GNAI1: variants seen among roughly 807,000 people sequenced by gnomAD.
GNAI1 encodes G protein subunit alpha i1.
A neutral mutation model predicts 38.9 loss-of-function variants in GNAI1; 11 were observed. The ratio of observed to expected loss-of-function variants is 0.28; its 90% CI spans 0.18 to 0.47. The LOEUF is 0.47. GNAI1 is among the 20% of genes least tolerant of loss of function. The pLI is 0.99. For missense variants in GNAI1, 317 were observed against 436.9 expected, an observed-to-expected ratio of 0.73 and a Z score of 2.45; for synonymous variants, 166 against 145.1, an observed-to-expected ratio of 1.14 and a Z score of -1.04.
chr7:80,172,213 T>C (rs928471542), intron 1 of GNAI1, among the ~76,000 whole-genome samples: 16 of 152,158 alleles, frequency 1.1e-4, no homozygotes, highest in African/African-American at 3.9e-4. Flanking sequence ...TAAAAAGAGG[T>C]GAGGCTGAAA....
Position 80,199,089 on chromosome 7 carries a change from A to G in GNAI1, c.304-136A>G, listed in dbSNP as rs549808656. 3 of 579,928 alleles carry G rather than the reference A, an allele frequency of 5.2e-6. 1 individual carries two copies. In the South Asian group the frequency reaches 9.6e-5, roughly 19 times the overall value. 35.9% of individuals were successfully genotyped at this position (579,928 alleles called of 1,614,324 possible). On this transcript the variant is annotated intron_variant, in intron 3 of 7. Coordinates refer to ENST00000649796, the MANE Select transcript of GNAI1 (RefSeq NM_002069.6). ...TTTTTAAGTGGTGGCTTAGAGAAAG[A>G]AAAGTAATGACGTGTTAATAAAAAC...
rs1789020072 is a variant in GNAI1, at chr7:80,218,754, T to A, written c.*1261T>A. The A allele has an allele frequency of 6.6e-6, 1 of 152,156 alleles. No homozygotes were observed. The highest frequency in any genetic ancestry group is 2.4e-5 in the African/African-American group (1 of 41,444). 9.4% of individuals were successfully genotyped at this position (152,156 alleles called of 1,614,324 possible). ...TTATTTCTGAGAATGAAATGGACGATTACACTTAGAAAATGAGTAATAGTG... is the reference window on the plus strand; with the variant it reads ...TTATTTCTGAGAATGAAATGGACGAATACACTTAGAAAATGAGTAATAGTG... On this transcript the variant is annotated 3_prime_UTR_variant, in exon 8 of 8. Transcript: ENST00000649796.
At chr7:80,206,587 T>C (rs1788781206) in intron 5 of GNAI1, among the ~76,000 whole-genome samples, 2 of 152,072 alleles carry the variant, frequency 1.3e-5, no homozygotes, top group South Asian at 4.1e-4. Flanking sequence ...TAGAATTTTT[T>C]TTTTAACCTA....
chr7:80,173,640 T>C (rs1447562256), intron 1 of GNAI1, among the ~76,000 whole-genome samples: 3 of 151,456 alleles, frequency 2.0e-5, no homozygotes, highest in African/African-American at 4.9e-5. Context: ...AAACTCATTG[T>C]AGCAGGAATT....
At chr7:80,189,469 T>C (rs1340792035) in intron 3 of GNAI1, among the ~76,000 whole-genome samples, 2 of 152,212 alleles carry the variant, frequency 1.3e-5, no homozygotes, top group East Asian at 3.9e-4. Flanking sequence ...GACAACTGAA[T>C]AATCACCACA....
chr7:80,203,181 G>A (rs561485813), intron 4 of GNAI1, among the ~76,000 whole-genome samples: 1 of 152,270 alleles, frequency 6.6e-6, no homozygotes, highest in African/African-American at 2.4e-5. Context: ...AAAGTGCAGC[G>A]TAAAGGAGTA....
rs1789073182 is a variant in GNAI1 at position 80,221,479 on chromosome 7, C to CT, written c.*3987dup. Among the ~76,000 whole-genome samples, 1 of 152,036 alleles carries CT rather than the reference C, an allele frequency of 6.6e-6. No individual in the cohort carries two copies. The highest frequency in any genetic ancestry group is 2.1e-4 in the South Asian group (1 of 4,824). On this transcript the variant is annotated 3_prime_UTR_variant, in exon 8 of 8. Transcript: ENST00000649796. ...AATGAAATGCCTCAAAAACAAAACT[C>CT]TCATAATTCGTTTTCATAATGAAAA...
intron 7 of GNAI1, among the ~76,000 whole-genome samples, chr7:80,213,480 G>T (rs1788906616): frequency 6.6e-6 from 1 of 152,140 alleles, no homozygotes; most frequent in African/African-American, 2.4e-5. Context: ...CTTTGATCTT[G>T]AACAAGGCAG....
chr7:80,186,023 CTTTTTTTTTTT>C lies in GNAI1; in HGVS notation c.119-2911_119-2901del, dbSNP rs533371119. On this transcript the variant is annotated intron_variant, in intron 1 of 7. Coordinates refer to ENST00000649796, the MANE Select transcript of GNAI1 (RefSeq NM_002069.6). ...AGTTAATAAGACTGCCATCCGCACTCTTTTTTTTTTTTTTTTTTTTTTTTTTTGAGACGGAG... is the reference window on the plus strand; with the variant it reads ...AGTTAATAAGACTGCCATCCGCACTCTTTTTTTTTTTTTTTTGAGACGGAG... 1.3e-3 allele frequency among the ~76,000 whole-genome samples: 133 copies of C among 103,498 alleles called. 1 individual carries two copies. The highest frequency in any genetic ancestry group is 2.4e-3 in the Admixed American group (22 of 9,126). The allele number at this position is 103,498 out of a possible 152,430, so 67.9% of individuals were successfully genotyped here.
rs371630030 is a variant in GNAI1, at chr7:80,194,684, A to G, written c.304-4541A>G. On this transcript the variant is annotated intron_variant, in intron 3 of 7. Coordinates refer to ENST00000649796, the MANE Select transcript of GNAI1 (RefSeq NM_002069.6). ...TTTATTTCTCTTCAGGTGGCTATCT[A>G]ATTATCACCAGTGTTATTGGATTAA... Among the ~76,000 whole-genome samples the G allele has an allele frequency of 1.1e-4, 16 of 152,216 alleles. No individual in the cohort carries two copies. The South Asian group carries it at 2.9e-3, about 28-fold the overall frequency.
At chr7:80,217,248 T>TCAGTTTCA (rs1788988656) in intron 7 of GNAI1, 55 bp from the exon 8 acceptor site, 7 of 437,296 alleles carry the variant, frequency 1.6e-5, no homozygotes, top group East Asian at 2.3e-4. Context: ...ATTCAGTATT[T>TCAGTTTCA]TAAGCAGTTA....
At chr7:80,211,377 A>T (rs1264103648) in intron 6 of GNAI1, among the ~76,000 whole-genome samples, 1 of 151,168 alleles carries the variant, frequency 6.6e-6, no homozygotes, top group East Asian at 1.9e-4. Context: ...GTAGTCCAAG[A>T]TTCCCTTTTC....
intron 1 of GNAI1, among the ~76,000 whole-genome samples, chr7:80,154,576 T>C (rs1787786838): frequency 6.6e-6 from 1 of 152,198 alleles, no homozygotes; most frequent in East Asian, 1.9e-4. Flanking sequence ...GGATTCTTCT[T>C]ACATAAACAA....
At chr7:80,169,244 A>G (rs559543056) in intron 1 of GNAI1, among the ~76,000 whole-genome samples, 1 of 152,274 alleles carries the variant, frequency 6.6e-6, no homozygotes, top group South Asian at 2.1e-4. Flanking sequence ...GCTCTCTTTA[A>G]TAAAGTTCTG....
At chr7:80,184,348 A>T (rs531486388) in intron 1 of GNAI1, among the ~76,000 whole-genome samples, 7 of 152,294 alleles carry the variant, frequency 4.6e-5, no homozygotes, top group African/African-American at 1.7e-4. Flanking sequence ...ATACATTGGT[A>T]CGTCCAGGGT....
In GNAI1 at chr7:80,225,979, C is replaced by T. The variant is rs1474810000; in HGVS notation, c.*8486C>T. ...CTATATTGGAATATGGGAATAAATT[C>T]ATTTATAATTAGTTGAAATTGTCCA... On this transcript the variant is annotated 3_prime_UTR_variant, in exon 8 of 8. Coordinates refer to ENST00000649796, the MANE Select transcript of GNAI1 (RefSeq NM_002069.6). Among the ~76,000 whole-genome samples the T allele has an allele frequency of 6.6e-6, 1 of 151,952 alleles. No homozygotes were observed. The highest frequency in any genetic ancestry group is 1.5e-5 in the Non-Finnish European group (1 of 68,006).
At chr7:80,202,972 C>A (rs775547758) in intron 4 of GNAI1, among the ~76,000 whole-genome samples, 3 of 152,176 alleles carry the variant, frequency 2.0e-5, no homozygotes, top group East Asian at 3.9e-4. Flanking sequence ...CTTCTTTAAT[C>A]ACCTAGGTCC....
intron 7 of GNAI1, among the ~76,000 whole-genome samples, chr7:80,215,753 A>C (rs1271504380): frequency 1.5e-5 from 2 of 137,556 alleles, no homozygotes; most frequent in African/African-American, 3.1e-5. Context: ...TATTTCTAGG[A>C]GGAGGAAAAA....
chr7:80,142,263 C>T (rs1005026146), intron 1 of GNAI1, among the ~76,000 whole-genome samples: 7 of 152,282 alleles, frequency 4.6e-5, no homozygotes, highest in African/African-American at 1.7e-4. Context: ...TTTGAAAGTG[C>T]AAAATAATTG....
Sources: allele counts gnomAD v4.1 joint callset (sites outside exome capture counted in the v4.1 genomes callset), GRCh38; gene constraint gnomAD v4.1.1; transcripts MANE v1.5; gene names NCBI Gene and HGNC (gene_info 2026-07-23, HGNC 2026-07-21).